The following ATG5 variants were observed in gnomAD, a reference collection of about 807,000 sequenced individuals.
ATG5 encodes the protein autophagy related 5.
In ATG5, 14 loss-of-function variants were observed where a neutral mutation model predicts 36.5. The observed-to-expected ratio is 0.38, with a 90% confidence interval of 0.25 to 0.60. The LOEUF (loss-of-function observed/expected upper bound fraction) is 0.60. ATG5 is among the 20% of genes least tolerant of loss of function. The pLI is 0.60. For synonymous variants in ATG5, 95 were observed against 101.5 expected (o/e 0.94, Z 0.38); for missense variants, 195 against 326.7 (o/e 0.60, Z 3.11).
In ATG5 at chr6:106,325,549, C is replaced by A. The variant is rs1325059774; in HGVS notation, c.-82G>T. 1 of 152,906 alleles carries A rather than the reference C, an allele frequency of 6.5e-6. No homozygotes were observed. The highest frequency in any genetic ancestry group is 2.4e-5 in the African/African-American group (1 of 41,430). The allele number at this position is 152,906 out of a possible 1,614,324, so 9.5% of individuals were successfully genotyped here. On this transcript the variant is annotated 5_prime_UTR_variant, in exon 1 of 8. The change creates a new upstream start codon in the 5' untranslated region. Transcript: ENST00000369076. The stretch of plus-strand genomic sequence containing the variant: ...ACCCTACTCCAAGCTATGGCTCCTC[C>A]TTCCGGCTCCCCGCACTGGTGGGGA...
intron 6 of ATG5, among the ~76,000 whole-genome samples, chr6:106,235,933 G>C (rs1777885122): frequency 6.6e-6 from 1 of 152,076 alleles, no homozygotes; most frequent in African/African-American, 2.4e-5. Context: ...CAAGATATTG[G>C]GCATTTCCAT....
At chr6:106,308,526 C>A in intron 2 of ATG5, 35 bp from the exon 3 acceptor site, 1 of 1,437,686 alleles carries the variant, frequency 7.0e-7, no homozygotes, top group South Asian at 1.4e-5. Flanking sequence ...TATTTATTTA[C>A]TAGTTATTAT....
intron 7 of ATG5, among the ~76,000 whole-genome samples, chr6:106,190,661 T>TA (rs966644690): frequency 3.3e-5 from 5 of 150,290 alleles, no homozygotes; most frequent in African/African-American, 9.8e-5. Context: ...AAAGTGAACA[T>TA]AAAAAAAAAG....
At chr6:106,266,814 A>C (rs945703401) in intron 5 of ATG5, among the ~76,000 whole-genome samples, 1 of 152,232 alleles carries the variant, frequency 6.6e-6, no homozygotes, top group Non-Finnish European at 1.5e-5. Context: ...CTTCATGCTA[A>C]AAACTCTCAA....
chr6:106,230,331 T>C (rs1777628171), intron 6 of ATG5, among the ~76,000 whole-genome samples: 1 of 152,212 alleles, frequency 6.6e-6, no homozygotes, highest in South Asian at 2.1e-4. Context: ...TGGGAATGCA[T>C]CTTGATGGAG....
intron 4 of ATG5, among the ~76,000 whole-genome samples, chr6:106,291,028 A>C (rs1270770954): frequency 6.6e-6 from 1 of 152,210 alleles, no homozygotes; most frequent in Non-Finnish European, 1.5e-5. Context: ...CTAACAAATA[A>C]CAAAGTCTCA....
chr6:106,206,152 G>C (rs751633112), intron 6 of ATG5, among the ~76,000 whole-genome samples: 1 of 151,212 alleles, frequency 6.6e-6, no homozygotes, highest in Non-Finnish European at 1.5e-5. Flanking sequence ...AAGCCTTTGA[G>C]AGGTAATTAG....
intron 3 of ATG5, among the ~76,000 whole-genome samples, chr6:106,307,258 G>C (rs1056546559): frequency 6.6e-6 from 1 of 152,152 alleles, no homozygotes; most frequent in African/African-American, 2.4e-5. Context: ...GATTCAGAGA[G>C]CAAGTCCATT....
At chr6:106,282,019 C>G (rs1339845633) in intron 4 of ATG5, among the ~76,000 whole-genome samples, 1 of 152,122 alleles carries the variant, frequency 6.6e-6, no homozygotes, top group Non-Finnish European at 1.5e-5. Context: ...TAATAGAGAA[C>G]AAGTTGAGTA....
chr6:106,203,408 CTT>C (rs557615011), intron 6 of ATG5, among the ~76,000 whole-genome samples: 80 of 152,198 alleles, frequency 5.3e-4, no homozygotes, highest in Non-Finnish European at 1.1e-3. Context: ...TTCCATATCT[CTT>C]GAGTTTGTTG....
At chr6:106,276,818 A>G (rs1779676070) in intron 5 of ATG5, among the ~76,000 whole-genome samples, 1 of 152,216 alleles carries the variant, frequency 6.6e-6, no homozygotes. Context: ...AGTCTCCTAA[A>G]ATATCATTTA....
chr6:106,204,742 A>G (rs899228290), intron 6 of ATG5, among the ~76,000 whole-genome samples: 19 of 152,188 alleles, frequency 1.2e-4, no homozygotes, highest in African/African-American at 4.6e-4. Context: ...CCTTTCTGCC[A>G]TGATTTTAAG....
At chr6:106,289,603 A>G (rs1780222004) in intron 4 of ATG5, among the ~76,000 whole-genome samples, 1 of 152,176 alleles carries the variant, frequency 6.6e-6, no homozygotes, top group South Asian at 2.1e-4. Context: ...TAAGGATCCC[A>G]AAGAGTTTAT....
Position 106,227,110 on chromosome 6 carries a change from A to G in ATG5, c.573+21040T>C, listed in dbSNP as rs530403883. On this transcript the variant is annotated intron_variant, in intron 6 of 7. Coordinates refer to ENST00000369076, the MANE Select transcript of ATG5 (RefSeq NM_004849.4). The stretch of plus-strand genomic sequence containing the variant: ...ATCTACACATCCAAGAAGATAAACA[A>G]ACTAAAAAGAATAAAATCAAAGCGA... Among the ~76,000 whole-genome samples the G allele has an allele frequency of 4.0e-4, 60 of 151,418 alleles. 1 individual carries two copies. The highest frequency in any genetic ancestry group is 1.5e-3 in the African/African-American group (60 of 41,238).
At chr6:106,264,703 A>G (rs936400505) in intron 5 of ATG5, among the ~76,000 whole-genome samples, 3 of 152,224 alleles carry the variant, frequency 2.0e-5, no homozygotes, top group Non-Finnish European at 4.4e-5. Flanking sequence ...ATTCTTAAAG[A>G]AAAGAATTTT....
chr6:106,221,900 AT>A (rs1016353790), intron 6 of ATG5, among the ~76,000 whole-genome samples: 35 of 150,866 alleles, frequency 2.3e-4, no homozygotes, highest in Middle Eastern at 3.4e-3. Flanking sequence ...TCTTATTATT[AT>A]TTTTTTTTGA....
At chr6:106,228,620 G>A (rs1239810503) in intron 6 of ATG5, among the ~76,000 whole-genome samples, 3 of 152,134 alleles carry the variant, frequency 2.0e-5, no homozygotes, top group East Asian at 3.9e-4. Flanking sequence ...AGTTCTGGGA[G>A]CAAGGACCCC....
intron 5 of ATG5, among the ~76,000 whole-genome samples, chr6:106,249,753 A>T (rs1019423099): frequency 4.6e-5 from 7 of 152,214 alleles, no homozygotes; most frequent in African/African-American, 1.7e-4. Flanking sequence ...CAATTAGTCC[A>T]CATCCTTGCC....
intron 6 of ATG5, among the ~76,000 whole-genome samples, chr6:106,211,738 C>G (rs1776859987): frequency 6.6e-6 from 1 of 152,146 alleles, no homozygotes. Context: ...TCCCTGTAAA[C>G]TGAATGCATA....
Sources: gnomAD v4.1 joint callset for allele counts (sites outside exome capture counted in the v4.1 genomes callset) on GRCh38, gnomAD v4.1.1 for gene constraint, MANE v1.5 for transcripts, NCBI Gene and HGNC (gene_info 2026-07-23, HGNC 2026-07-21) for gene names.